Variants in DTNB observed in about 807,000 individuals in gnomAD.
DTNB encodes DTN-B.
Under a neutral mutation model 90.7 loss-of-function variants are expected in DTNB, and 63 were observed. The ratio of observed to expected loss-of-function variants is 0.69; its 90% CI spans 0.57 to 0.86. The LOEUF (loss-of-function observed/expected upper bound fraction) is 0.86. Ranked by LOEUF, DTNB falls within the 40% of genes least tolerant of loss-of-function variation. The pLI is 0.00. For synonymous variants in DTNB, 277 were observed against 286.7 expected (o/e 0.97, Z 0.34); for missense variants, 744 against 807.1 (o/e 0.92, Z 0.95).
intron 8 of DTNB, among the ~76,000 whole-genome samples, chr2:25,538,885 C>T (rs1024630080): frequency 6.6e-6 from 1 of 152,152 alleles, no homozygotes; most frequent in Non-Finnish European, 1.5e-5. Flanking sequence ...CCCACTCTGC[C>T]TCCTCCTCTC....
intron 16 of DTNB, among the ~76,000 whole-genome samples, chr2:25,418,476 G>A (rs1034445796): frequency 1.3e-5 from 2 of 152,154 alleles, no homozygotes; most frequent in Non-Finnish European, 2.9e-5. Context: ...TGAGGCAGGC[G>A]GATCATGAGG....
intron 12 of DTNB, among the ~76,000 whole-genome samples, chr2:25,449,131 T>C (rs1232896230): frequency 6.6e-6 from 1 of 152,186 alleles, no homozygotes; most frequent in African/African-American, 2.4e-5. Flanking sequence ...CTTTTACTAC[T>C]CATAATATTT....
chr2:25,460,904 T>G (rs1277674514), intron 10 of DTNB, among the ~76,000 whole-genome samples: 2 of 149,952 alleles, frequency 1.3e-5, no homozygotes, highest in East Asian at 1.9e-4. Flanking sequence ...GGTTTTTTGT[T>G]TTTTTTTTTT....
At chr2:25,526,047 C>T (rs2077026820) in intron 9 of DTNB, among the ~76,000 whole-genome samples, 3 of 151,980 alleles carry the variant, frequency 2.0e-5, no homozygotes, top group Admixed American at 2.0e-4. Flanking sequence ...GCAGAAAGCC[C>T]CTGAGCTCAG....
intron 4 of DTNB, among the ~76,000 whole-genome samples, chr2:25,626,884 T>C (rs1163758286): frequency 6.6e-6 from 1 of 152,244 alleles, no homozygotes; most frequent in Non-Finnish European, 1.5e-5. Flanking sequence ...CTGGAACTCT[T>C]GGTTCACAGA....
At chr2:25,642,069 C>T (rs952403329) in intron 2 of DTNB, among the ~76,000 whole-genome samples, 3 of 152,220 alleles carry the variant, frequency 2.0e-5, no homozygotes, top group African/African-American at 7.2e-5. Flanking sequence ...ATCCACCCGC[C>T]TCAGCCTCCC....
intron 2 of DTNB, among the ~76,000 whole-genome samples, chr2:25,643,271 A>C (rs1333556770): frequency 1.3e-5 from 2 of 151,858 alleles, no homozygotes; most frequent in African/African-American, 4.8e-5. Context: ...TCCTCAGACC[A>C]ACTCATCCTG....
intron 5 of DTNB, among the ~76,000 whole-genome samples, chr2:25,597,883 G>C (rs1403497451): frequency 6.6e-6 from 1 of 152,066 alleles, no homozygotes; most frequent in Non-Finnish European, 1.5e-5. Context: ...AAACAGAGAA[G>C]AATTTGAGCT....
chr2:25,434,189 T>C (rs1218726291), intron 12 of DTNB, among the ~76,000 whole-genome samples, 194 bp from the exon 13 acceptor site: 2 of 152,164 alleles, frequency 1.3e-5, no homozygotes, highest in Non-Finnish European at 2.9e-5. Flanking sequence ...AGTCCAGTTT[T>C]AGAACATTTT....
intron 16 of DTNB, among the ~76,000 whole-genome samples, chr2:25,400,576 G>GT (rs1206805953): frequency 6.6e-6 from 1 of 152,252 alleles, no homozygotes; most frequent in Non-Finnish European, 1.5e-5. Context: ...ATGGGGATAT[G>GT]TTGTCCAATG....
chr2:25,491,382 C>A (rs1301955136), intron 9 of DTNB, among the ~76,000 whole-genome samples: 2 of 152,206 alleles, frequency 1.3e-5, no homozygotes, highest in Non-Finnish European at 2.9e-5. Context: ...CTCTACTACA[C>A]TGTAAGAAAT....
chr2:25,460,030 T>C (rs1261863099), intron 10 of DTNB, among the ~76,000 whole-genome samples: 1 of 152,178 alleles, frequency 6.6e-6, no homozygotes, highest in Non-Finnish European at 1.5e-5. Flanking sequence ...ACAACTGCAA[T>C]CTTCCAGGTG....
At chr2:25,584,131 T>C (rs1049695014) in intron 6 of DTNB, among the ~76,000 whole-genome samples, 1 of 152,230 alleles carries the variant, frequency 6.6e-6, no homozygotes, top group Non-Finnish European at 1.5e-5. Context: ...AACATTTTCA[T>C]GGAGTTTCAC....
chr2:25,663,612 C>T (rs544824509), intron 1 of DTNB, among the ~76,000 whole-genome samples: 2 of 152,094 alleles, frequency 1.3e-5, no homozygotes, highest in Admixed American at 6.5e-5. Flanking sequence ...AGTGTTTTAG[C>T]GGGGGTGGGG....
At chr2:25,527,069 A>T (rs1328670979) in intron 9 of DTNB, among the ~76,000 whole-genome samples, 3 of 152,206 alleles carry the variant, frequency 2.0e-5, no homozygotes, top group African/African-American at 7.2e-5. Flanking sequence ...ATAACTTGGG[A>T]AATATTTAGA....
intron 12 of DTNB, among the ~76,000 whole-genome samples, chr2:25,442,728 AC>A (rs1240383000): frequency 5.9e-5 from 9 of 152,244 alleles, no homozygotes; most frequent in African/African-American, 2.2e-4. Context: ...TTTAAAGGGT[AC>A]CACATTCACA....
chr2:25,444,159 G>A (rs896303587), intron 12 of DTNB, among the ~76,000 whole-genome samples: 1 of 152,066 alleles, frequency 6.6e-6, no homozygotes, highest in Admixed American at 6.6e-5. Flanking sequence ...TTACATCTTG[G>A]TGACGTTTGT....
chr2:25,581,454 T>C (rs970613916), intron 6 of DTNB, among the ~76,000 whole-genome samples: 1 of 152,212 alleles, frequency 6.6e-6, no homozygotes, highest in Non-Finnish European at 1.5e-5. Flanking sequence ...AAGGATGAGA[T>C]TGGAACCTAC....
chr2:25,409,406 G>T (rs977015041), intron 16 of DTNB, among the ~76,000 whole-genome samples: 4 of 152,186 alleles, frequency 2.6e-5, no homozygotes, highest in African/African-American at 9.7e-5. Context: ...AATGAGGTTT[G>T]TAAAGGTTAC....
Sources: gnomAD v4.1 joint callset for allele counts (sites outside exome capture counted in the v4.1 genomes callset) on GRCh38, gnomAD v4.1.1 for gene constraint, MANE v1.5 for transcripts, NCBI Gene and HGNC (gene_info 2026-07-23, HGNC 2026-07-21) for gene names.